The following HTRA1 variants were observed in gnomAD, a reference collection of about 807,000 sequenced individuals.
The protein encoded by HTRA1 is HtrA serine peptidase 1, also known as serine protease HTRA1.
A neutral mutation model predicts 49.7 loss-of-function variants in HTRA1; 26 were observed. The ratio of observed to expected loss-of-function variants is 0.52; its 90% CI spans 0.38 to 0.73. The LOEUF (loss-of-function observed/expected upper bound fraction) is 0.73. Ranked by LOEUF, HTRA1 falls within the 30% of genes least tolerant of loss-of-function variation. HTRA1 has a pLI of 0.00. For missense variants in HTRA1, 561 were observed against 667.2 expected, an observed-to-expected ratio of 0.84 and a Z score of 1.75; for synonymous variants, 291 against 286.9, an observed-to-expected ratio of 1.01 and a Z score of -0.14.
chr10:122,510,035 G>A, intron 6 of HTRA1, 61 bp from the exon 7 acceptor site: 2 of 1,448,114 alleles, frequency 1.4e-6, no homozygotes, highest in Non-Finnish European at 1.9e-6. Context: ...CCGGCCCCTG[G>A]TGTCCCCAGC....
rs1373852872 is a variant in HTRA1, at chr10:122,464,324, C to T, written c.472+2200C>T. Among the ~76,000 whole-genome samples the T allele has an allele frequency of 6.6e-6, 1 of 152,126 alleles. No homozygotes were observed. Among genetic ancestry groups the T allele is most frequent in the Non-Finnish European group, 1.5e-5 (1 of 68,038 alleles). ...GGAAAACAGGTCCCCCATTGGCCATCGGGCTCACAGCGGGCCCCCGGTGTA... is the reference window on the plus strand; with the variant it reads ...GGAAAACAGGTCCCCCATTGGCCATTGGGCTCACAGCGGGCCCCCGGTGTA... On this transcript the variant is annotated intron_variant, in intron 1 of 8. Coordinates refer to ENST00000368984, the MANE Select transcript of HTRA1 (RefSeq NM_002775.5). This position sits in a 1 kb window ranked among gnomAD's most constrained non-coding sequence, Gnocchi z 4.8.
At position 122,507,100 on chromosome 10, in the gene HTRA1, G is replaced by A. The variant is rs28414499; in HGVS notation, c.972+215G>A. Among the ~76,000 whole-genome samples the A allele has an allele frequency of 0.56, 85,758 of 152,024 alleles. 24,647 individuals are homozygous for A. Among genetic ancestry groups the A allele is most frequent in the African/African-American group, 0.66 (27,158 of 41,460 alleles). On this transcript the variant is annotated intron_variant, in intron 4 of 8. Transcript: ENST00000368984. Reference sequence around the variant, plus strand: ...GTGGACAGCCAGCCTCCTCCCAGGAGGAAGAAGTTGTATTGGGTGCTTTAG... The same window carrying A: ...GTGGACAGCCAGCCTCCTCCCAGGAAGAAGAAGTTGTATTGGGTGCTTTAG...
At chr10:122,481,807 A>T (rs1203337738) in intron 1 of HTRA1, among the ~76,000 whole-genome samples, 1 of 152,122 alleles carries the variant, frequency 6.6e-6, no homozygotes, top group Non-Finnish European at 1.5e-5. Flanking sequence ...GTCTCCCAAG[A>T]TCTGTTGGCT....
At chr10:122,469,381 T>A (rs2097485146) in intron 1 of HTRA1, among the ~76,000 whole-genome samples, 1 of 152,206 alleles carries the variant, frequency 6.6e-6, no homozygotes, top group African/African-American at 2.4e-5. Context: ...CAGTCACCAC[T>A]TGATGGAGAC....
intron 3 of HTRA1, among the ~76,000 whole-genome samples, chr10:122,505,312 G>A (rs375148502): frequency 1.3e-5 from 2 of 152,128 alleles, no homozygotes; most frequent in Non-Finnish European, 2.9e-5. Flanking sequence ...CCTCAGTCTC[G>A]TATAGTCAGT....
At chr10:122,462,242 C>T in intron 1 of HTRA1, 118 bp downstream of exon 1, 1 of 888,894 alleles carries the variant, frequency 1.1e-6, no homozygotes, top group East Asian at 2.9e-5. Context: ...GCCAGGGCAA[C>T]TCTCGGGGAC....
Position 122,461,736 on chromosome 10 carries a change from C to T in HTRA1, c.84C>T (p.Gly28=). ...APASAQLSRA[G]RSAPLAAGCP... ...CCTCGGCGCAGCTGTCCCGGGCCGG[C>T]CGCTCGGCGCCTTTGGCCGCCGGGT... The change falls in exon 1 of 9, where the codon GGC becomes GGT. Residue 28 remains glycine (G), a synonymous_variant. Coordinates refer to ENST00000368984, the MANE Select transcript of HTRA1 (RefSeq NM_002775.5). 3 of 1,156,862 alleles carry T rather than the reference C, an allele frequency of 2.6e-6. No homozygotes were observed. Among genetic ancestry groups the T allele is most frequent in the South Asian group, 2.3e-5 (1 of 42,958 alleles). The allele number at this position is 1,156,862 out of a possible 1,614,324, so 71.7% of individuals were successfully genotyped here.
intron 3 of HTRA1, among the ~76,000 whole-genome samples, chr10:122,505,440 G>T (rs1462362230): frequency 2.0e-5 from 3 of 152,176 alleles, no homozygotes; most frequent in Non-Finnish European, 4.4e-5. Flanking sequence ...GCACTGTGTA[G>T]TGGATGAGAG....
intron 1 of HTRA1, among the ~76,000 whole-genome samples, chr10:122,483,449 C>T (rs1202327480): frequency 6.6e-6 from 1 of 152,168 alleles, no homozygotes; most frequent in Non-Finnish European, 1.5e-5. Flanking sequence ...ATTGTTGTAA[C>T]TTACCATTTT....
chr10:122,461,897 C>T lies in HTRA1; in HGVS notation c.245C>T (p.Pro82Leu), dbSNP rs541204010. 29 of 1,382,712 alleles carry T rather than the reference C, an allele frequency of 2.1e-5. No individual in the cohort carries two copies. Among genetic ancestry groups the T allele is most frequent in the Non-Finnish European group, 2.6e-5 (28 of 1,073,082 alleles). The allele number at this position is 1,382,712 out of a possible 1,614,324, so 85.7% of individuals were successfully genotyped here. ...EGAACGLQEG[P>L]CGEGLQCVVP... ...GCCGCGTGCGGCCTGCAGGAGGGCC[C>T]GTGCGGCGAGGGGCTGCAGTGCGTG... Residue 82 changes from proline (P) to leucine (L), a missense_variant, in exon 1 of 9, where the codon CCG becomes CTG. By Grantham distance (98) the Pro-to-Leu change is moderately conservative (BLOSUM62 -3). Coordinates refer to ENST00000368984, the MANE Select transcript of HTRA1 (RefSeq NM_002775.5).
rs1407414812 is a variant in HTRA1, at chr10:122,487,917, G to T, written c.473-985G>T. ...TGTGGTGCATGACTGTAGGTATAAA[G>T]CATTACAGTTGTTTGATTTTTCTCT... On this transcript the variant is annotated intron_variant, in intron 1 of 8. Coordinates refer to ENST00000368984, the MANE Select transcript of HTRA1 (RefSeq NM_002775.5). This position sits in a 1 kb window ranked among gnomAD's most constrained non-coding sequence, Gnocchi z 4.8. Among the ~76,000 whole-genome samples the T allele has an allele frequency of 1.3e-5, 2 of 152,196 alleles. No individual in the cohort carries two copies. The highest frequency in any genetic ancestry group is 2.9e-5 in the Non-Finnish European group (2 of 68,032).
At position 122,511,976 on chromosome 10, in the gene HTRA1, C is replaced by T. The variant is rs962470462; in HGVS notation, c.1185C>T (p.Ala395=). Residue 395 remains alanine (A), a synonymous_variant, in exon 8 of 9, where the codon GCC becomes GCT. Transcript: ENST00000368984. The part of the protein sequence containing the change: ...IRMMSLTSSK[A]KELKDRHRDF... ...TGCTTTTTCTCTGGAGCAGCAAAGC[C>T]AAAGAGCTGAAGGACCGGCACCGGG... The T allele has an allele frequency of 2.9e-5, 47 of 1,613,580 alleles. No homozygotes were observed. The highest frequency in any genetic ancestry group is 3.9e-5 in the Non-Finnish European group (46 of 1,179,792).
rs997191447 is a variant in HTRA1 at position 122,461,556 on chromosome 10, C to G, written c.-97C>G. 1.5e-6 allele frequency: 1 copy of G among 674,034 alleles called. No homozygotes were observed. Among genetic ancestry groups the G allele is most frequent in the Non-Finnish European group, 2.1e-6 (1 of 476,928 alleles). 41.8% of individuals were successfully genotyped at this position (674,034 alleles called of 1,614,324 possible). On this transcript the variant is annotated 5_prime_UTR_variant, in exon 1 of 9. Coordinates refer to ENST00000368984, the MANE Select transcript of HTRA1 (RefSeq NM_002775.5). ...GCTGGGCCGCGCGGCCGCGCGCACT[C>G]GCACCCGCTGCCCCCGAGGCCCTCC...
At chr10:122,510,070 C>T in intron 6 of HTRA1, 26 bp from the exon 7 acceptor site, 1 of 1,609,638 alleles carries the variant, frequency 6.2e-7, no homozygotes, top group South Asian at 1.1e-5. Context: ...GGCTGACCTT[C>T]TGCTGTCCCT....
chr10:122,462,033 C>T lies in HTRA1; in HGVS notation c.381C>T (p.Ala127=), dbSNP rs1304054433. 6.5e-7 allele frequency: 1 copy of T among 1,533,330 alleles called. No homozygotes were observed. Among genetic ancestry groups the T allele is most frequent in the Non-Finnish European group, 8.7e-7 (1 of 1,146,432 alleles). The allele number at this position is 1,533,330 out of a possible 1,614,324, so 95.0% of individuals were successfully genotyped here. A position where few individuals can be genotyped will look rare whatever the true frequency, so the allele number is the denominator to read the frequency against. The part of the protein sequence containing the change: ...PVCGSDANTY[A]NLCQLRAASR... Reference sequence around the variant, plus strand: ...GCGGCAGCGACGCCAACACCTACGCCAACCTGTGCCAGCTGCGCGCCGCCA... The same window carrying T: ...GCGGCAGCGACGCCAACACCTACGCTAACCTGTGCCAGCTGCGCGCCGCCA... The change falls in exon 1 of 9, where the codon GCC becomes GCT. Residue 127 remains alanine, a synonymous_variant. Coordinates refer to ENST00000368984, the MANE Select transcript of HTRA1 (RefSeq NM_002775.5).
At chr10:122,469,498 A>G (rs546112419) in intron 1 of HTRA1, among the ~76,000 whole-genome samples, 2 of 152,354 alleles carry the variant, frequency 1.3e-5, no homozygotes, top group Admixed American at 1.3e-4. Flanking sequence ...TCTGTGGCAC[A>G]GAGTGAGCTA....
chr10:122,471,741 C>T (rs764509625), intron 1 of HTRA1, among the ~76,000 whole-genome samples: 1 of 152,210 alleles, frequency 6.6e-6, no homozygotes, highest in Non-Finnish European at 1.5e-5. Flanking sequence ...TCTGTTTGTC[C>T]TGAGACCCAG....
chr10:122,509,433 G>A (rs985814330), intron 6 of HTRA1, among the ~76,000 whole-genome samples: 21 of 152,174 alleles, frequency 1.4e-4, no homozygotes, highest in African/African-American at 5.1e-4. Flanking sequence ...CAGGGATGTG[G>A]GGGGAACACT....
At chr10:122,513,647 A>G (rs2097506624) in intron 8 of HTRA1, among the ~76,000 whole-genome samples, 1 of 150,588 alleles carries the variant, frequency 6.6e-6, no homozygotes, top group South Asian at 2.2e-4. Context: ...AAAAAAAAAA[A>G]AAAAAAGAGT....
Sources: allele counts gnomAD v4.1 joint callset (sites outside exome capture counted in the v4.1 genomes callset), GRCh38; gene constraint gnomAD v4.1.1; non-coding constraint Gnocchi (gnomAD v3.1); transcripts MANE v1.5; gene names NCBI Gene and HGNC (gene_info 2026-07-23, HGNC 2026-07-21).